The following CADPS variants were observed in gnomAD, a reference collection of about 807,000 sequenced individuals.
CADPS encodes calcium-dependent secretion activator 1.
A neutral mutation model predicts 167.3 loss-of-function variants in CADPS; 57 were observed. The ratio of observed to expected loss-of-function variants is 0.34; its 90% CI spans 0.28 to 0.42. The LOEUF (loss-of-function observed/expected upper bound fraction) is 0.42, where lower values mean the gene tolerates loss of function less well. CADPS is among the 20% of genes least tolerant of loss of function. The pLI, the probability that CADPS is intolerant of heterozygous loss-of-function variation, is 1.00. For missense variants in CADPS, 1,414 were observed against 1,738.1 expected (o/e 0.81, Z 3.32); for synonymous variants, 676 against 635.3 (o/e 1.06, Z -0.96).
chr3:62,483,418 G>A (rs1044887385), intron 21 of CADPS, among the ~76,000 whole-genome samples: 1 of 151,816 alleles, frequency 6.6e-6, no homozygotes, highest in African/African-American at 2.4e-5. Flanking sequence ...CAGAAATTCT[G>A]GACCTTGAAG....
At chr3:62,621,896 TC>T (rs914309448) in intron 6 of CADPS, among the ~76,000 whole-genome samples, 7 of 27,128 alleles carry the variant, frequency 2.6e-4, no homozygotes, top group Non-Finnish European at 7.0e-4. Context: ...CCTACTTACT[TC>T]TTTTTTTTTT....
At chr3:62,772,019 G>C (rs1304416562) in intron 1 of CADPS, among the ~76,000 whole-genome samples, 1 of 152,118 alleles carries the variant, frequency 6.6e-6, no homozygotes, top group Non-Finnish European at 1.5e-5. Flanking sequence ...CTGTAAATAG[G>C]GGAAAGCAAT....
intron 13 of CADPS, among the ~76,000 whole-genome samples, chr3:62,526,933 C>G (rs1414070763): frequency 6.6e-6 from 1 of 152,102 alleles, no homozygotes; most frequent in African/African-American, 2.4e-5. Context: ...TAGTGGGCAG[C>G]CTAGTTTGAC....
At chr3:62,699,580 TTGTTC>T (rs66467751) in intron 3 of CADPS, among the ~76,000 whole-genome samples, 12,050 of 152,058 alleles carry the variant, frequency 0.079, 635 homozygotes, top group Non-Finnish European at 0.12. Flanking sequence ...TAAAGTTGTT[TTGTTC>T]TGAGACAGAG....
At chr3:62,809,468 T>A (rs142228126) in intron 1 of CADPS, among the ~76,000 whole-genome samples, 1 of 152,298 alleles carries the variant, frequency 6.6e-6, no homozygotes, top group Non-Finnish European at 1.5e-5. Flanking sequence ...ACAGCAATCA[T>A]CCTTACATTT....
At chr3:62,469,439 C>G (rs1336651537) in intron 24 of CADPS, among the ~76,000 whole-genome samples, 3 of 152,044 alleles carry the variant, frequency 2.0e-5, no homozygotes, top group Non-Finnish European at 4.4e-5. Flanking sequence ...TATAAAATGC[C>G]TTGCAGTCTG....
chr3:62,645,917 A>G, intron 5 of CADPS, 74 bp from the exon 6 acceptor site: 2 of 1,557,996 alleles, frequency 1.3e-6, no homozygotes, highest in Non-Finnish European at 1.8e-6. Flanking sequence ...AAAATACACA[A>G]ATGAGAAGCT....
At chr3:62,599,365 T>A (rs2059359045) in intron 6 of CADPS, among the ~76,000 whole-genome samples, 1 of 150,232 alleles carries the variant, frequency 6.7e-6, no homozygotes, top group Non-Finnish European at 1.5e-5. Flanking sequence ...CTGGGCTTAG[T>A]GCTTCTAATG....
At chr3:62,503,102 A>T (rs990239682) in intron 17 of CADPS, among the ~76,000 whole-genome samples, 2 of 151,644 alleles carry the variant, frequency 1.3e-5, no homozygotes, top group African/African-American at 4.8e-5. Flanking sequence ...TGCAAATACC[A>T]GATGCTTTAT....
chr3:62,717,942 C>T lies in CADPS; in HGVS notation c.888+35499G>A, dbSNP rs145834777. Among the ~76,000 whole-genome samples, 388 of 152,266 alleles carry T rather than the reference C, an allele frequency of 2.5e-3. 1 individual carries two copies. The highest frequency in any genetic ancestry group is 4.8e-3 in the Non-Finnish European group (327 of 68,036). ...TCACACTCAGTTTCTTCTTGCTGTT[C>T]CCTCTACCTGGAAACTTATTTCCCA... On this transcript the variant is annotated intron_variant, in intron 3 of 29. Transcript: ENST00000383710.
At position 62,420,682 on chromosome 3, in the gene CADPS, A is replaced by G. The variant is rs551174594; in HGVS notation, c.3777+17422T>C. On this transcript the variant is annotated intron_variant, in intron 28 of 29. Coordinates refer to ENST00000383710, the MANE Select transcript of CADPS (RefSeq NM_003716.4). The surrounding 1 kb of genome is among the most constrained non-coding windows in gnomAD (Gnocchi z 4.1). ...CCTGGGGCCCAGGAATGAGGAAAATAAAGACAAAGTGCTGCTTTTTAAAAG... is the reference window on the plus strand; with the variant it reads ...CCTGGGGCCCAGGAATGAGGAAAATGAAGACAAAGTGCTGCTTTTTAAAAG... 1.3e-5 allele frequency among the ~76,000 whole-genome samples: 2 copies of G among 152,310 alleles called. No homozygotes were observed. The highest frequency in any genetic ancestry group is 4.8e-5 in the African/African-American group (2 of 41,576).
At chr3:62,550,626 C>T (rs1007375920) in intron 10 of CADPS, among the ~76,000 whole-genome samples, 1 of 152,128 alleles carries the variant, frequency 6.6e-6, no homozygotes, top group African/African-American at 2.4e-5. Context: ...GCATTTCTAA[C>T]AAGCTCCCAG....
At chr3:62,838,837 G>A (rs2076252801) in intron 1 of CADPS, among the ~76,000 whole-genome samples, 1 of 152,104 alleles carries the variant, frequency 6.6e-6, no homozygotes, top group Admixed American at 6.5e-5. Context: ...AAATTAATGA[G>A]CAAATCATTT....
At chr3:62,562,152 C>A (rs2079280044) in intron 9 of CADPS, among the ~76,000 whole-genome samples, 1 of 152,184 alleles carries the variant, frequency 6.6e-6, no homozygotes. Flanking sequence ...CAAGGAATTC[C>A]TGAGGAAGCA....
intron 3 of CADPS, among the ~76,000 whole-genome samples, chr3:62,691,521 C>T (rs988447382): frequency 1.3e-5 from 2 of 151,988 alleles, no homozygotes; most frequent in Non-Finnish European, 2.9e-5. Context: ...AAAATTCTTT[C>T]AACAGCAGTC....
At chr3:62,849,680 A>G (rs1344534473) in intron 1 of CADPS, among the ~76,000 whole-genome samples, 1 of 140,040 alleles carries the variant, frequency 7.1e-6, no homozygotes, top group East Asian at 2.1e-4. Flanking sequence ...TCGGTTTGCC[A>G]GTATTTTATT....
intron 1 of CADPS, among the ~76,000 whole-genome samples, chr3:62,857,793 A>G (rs1029372926): frequency 2.0e-5 from 3 of 152,002 alleles, no homozygotes; most frequent in African/African-American, 7.2e-5. Flanking sequence ...TTCTATAAAA[A>G]TGTTTATTTT....
At position 62,711,606 on chromosome 3, in the gene CADPS, C is replaced by T. The variant is rs968872488; in HGVS notation, c.888+41835G>A. On this transcript the variant is annotated intron_variant, in intron 3 of 29. Transcript: ENST00000383710. ...TTAGCTTGGCCAGCTTGGTGATTTT[C>T]CCTGCAAGGGAGCTGAGATAGGAAG... Among the ~76,000 whole-genome samples, 4 of 152,190 alleles carry T rather than the reference C, an allele frequency of 2.6e-5. No homozygotes were observed. In the East Asian group the frequency reaches 7.7e-4, roughly 29 times the overall value.
intron 1 of CADPS, among the ~76,000 whole-genome samples, chr3:62,830,737 T>G (rs1015879793): frequency 2.0e-5 from 3 of 152,166 alleles, no homozygotes; most frequent in African/African-American, 7.2e-5. Flanking sequence ...TGGGGTGTGC[T>G]GGGCCCAGAC....
Sources: gnomAD v4.1 joint callset for allele counts (sites outside exome capture counted in the v4.1 genomes callset) on GRCh38, gnomAD v4.1.1 for gene constraint, Gnocchi (gnomAD v3.1) non-coding constraint, MANE v1.5 for transcripts, NCBI Gene and HGNC (gene_info 2026-07-23, HGNC 2026-07-21) for gene names.